Variants in URB2 observed in about 807,000 individuals in gnomAD.
The protein encoded by URB2 is unhealthy ribosome biogenesis protein 2 homolog.
Under a neutral mutation model 120.9 loss-of-function variants are expected in URB2, and 86 were observed. That is an observed-to-expected ratio of 0.71 (90% CI 0.60 to 0.85). The LOEUF is 0.85. Ranked by LOEUF, URB2 falls within the 40% of genes least tolerant of loss-of-function variation. URB2 has a pLI of 0.00. For missense variants in URB2, 1,765 were observed against 1,836.5 expected (o/e 0.96, Z 0.71); for synonymous variants, 755 against 758.4 (o/e 1.00, Z 0.07).
At position 229,636,098 on chromosome 1, in the gene URB2, C is replaced by T. The variant is rs200963931; in HGVS notation, c.1485C>T (p.Ser495=). 1.4e-4 allele frequency: 232 copies of T among 1,614,254 alleles called. No homozygotes were observed. In the Middle Eastern group the frequency reaches 1.8e-3, roughly 13 times the overall value. Residue 495 remains serine, a synonymous_variant, in exon 4 of 10, where the codon TCC becomes TCT. Transcript: ENST00000258243. The part of the protein sequence containing the change: ...LRQPVLASGP[S]TVLSACLLEL... ...AGCCTGTGCTGGCCTCGGGCCCCTC[C>T]ACGGTACTCTCTGCATGCCTCCTGG...
rs745481389 is a variant in URB2 at position 229,636,270 on chromosome 1, A to T, written c.1657A>T (p.Met553Leu). Residue 553 changes from methionine (M) to leucine (L), a missense_variant, in exon 4 of 10, where the codon ATG (methionine) becomes TTG (leucine). Physicochemically the swap from Met to Leu is conservative, Grantham distance 15. Coordinates refer to ENST00000258243, the MANE Select transcript of URB2 (RefSeq NM_014777.4). ...GCTGCTGCACTGCATCATGTTCAAC[A>T]TGAGGAGCCTGGACAGCAGCACGCC... Reference protein sequence around the residue: ...SLLLHCIMFNMRSLDSSTPLP... With the variant: ...SLLLHCIMFNLRSLDSSTPLP... 2 of 1,614,110 alleles carry T rather than the reference A, an allele frequency of 1.2e-6. No individual in the cohort carries two copies. Among genetic ancestry groups the T allele is most frequent in the Admixed American group, 3.3e-5 (2 of 60,028 alleles).
chr1:229,640,345 A>G (rs1665973667), intron 4 of URB2, among the ~76,000 whole-genome samples: 1 of 152,258 alleles, frequency 6.6e-6, no homozygotes, highest in Admixed American at 6.5e-5. Flanking sequence ...TTATTAGGGT[A>G]TACAAATAAA....
chr1:229,648,079 T>C (rs1246326391), intron 7 of URB2, among the ~76,000 whole-genome samples: 1 of 152,198 alleles, frequency 6.6e-6, no homozygotes, highest in Non-Finnish European at 1.5e-5. Context: ...ATGCTACCAG[T>C]GGAAAATCCC....
In URB2 at chr1:229,632,461, G is replaced by T; in HGVS notation, c.303+16G>T. On this transcript the variant is annotated intron_variant, in intron 3 of 9. Coordinates refer to ENST00000258243, the MANE Select transcript of URB2 (RefSeq NM_014777.4). Reference sequence around the variant, plus strand: ...CCTAGTCAAGGTAATTCACTTTTCTGTTCTGTATGTGTTGCATGCATCTCC... The same window carrying T: ...CCTAGTCAAGGTAATTCACTTTTCTTTTCTGTATGTGTTGCATGCATCTCC... The T allele has an allele frequency of 6.5e-7, 1 of 1,534,884 alleles. No individual in the cohort carries two copies. Among genetic ancestry groups the T allele is most frequent in the Non-Finnish European group, 8.7e-7 (1 of 1,150,902 alleles).
chr1:229,632,262 A>G lies in URB2; in HGVS notation c.127-7A>G, dbSNP rs765536647. 1.3e-6 allele frequency: 2 copies of G among 1,540,236 alleles called. No homozygotes were observed. The highest frequency in any genetic ancestry group is 2.4e-5 in the East Asian group (1 of 41,974). On this transcript the variant is annotated splice_region_variant and splice_polypyrimidine_tract_variant and intron_variant, in intron 2 of 9. Coordinates refer to ENST00000258243, the MANE Select transcript of URB2 (RefSeq NM_014777.4). ...TTATTTTCAGTGTATGTGTCCTTCA[A>G]ATTCAGGTGTTACTTGATTGGGCAA...
chr1:229,652,646 A>T (rs1374148262), intron 8 of URB2, among the ~76,000 whole-genome samples: 1 of 152,214 alleles, frequency 6.6e-6, no homozygotes, highest in Non-Finnish European at 1.5e-5. Flanking sequence ...TTCCCCTCCC[A>T]TGCCAGCCTC....
intron 7 of URB2, among the ~76,000 whole-genome samples, chr1:229,649,665 A>G (rs550984264): frequency 2.4e-4 from 37 of 152,276 alleles, no homozygotes; most frequent in South Asian, 6.2e-4. Context: ...GTAGGCCCAC[A>G]CTGATGTAAA....
At chr1:229,647,353 G>A (rs113292366) in intron 6 of URB2, among the ~76,000 whole-genome samples, 157 bp from the exon 7 acceptor site, 1 of 152,206 alleles carries the variant, frequency 6.6e-6, no homozygotes, top group African/African-American at 2.4e-5. Context: ...GAGCTGATCT[G>A]TAAGAAGTTT....
intron 5 of URB2, among the ~76,000 whole-genome samples, 200 bp downstream of exon 5, chr1:229,643,893 C>T (rs1666073799): frequency 6.6e-6 from 1 of 152,252 alleles, no homozygotes; most frequent in Non-Finnish European, 1.5e-5. Context: ...CCTTAGTTTT[C>T]AAACGGGAAG....
At chr1:229,648,997 A>G (rs905169447) in intron 7 of URB2, among the ~76,000 whole-genome samples, 7 of 152,216 alleles carry the variant, frequency 4.6e-5, no homozygotes, top group African/African-American at 1.7e-4. Flanking sequence ...TGAATCCTGT[A>G]GACAGTTGTA....
At chr1:229,630,841 G>A (rs569796858) in intron 2 of URB2, among the ~76,000 whole-genome samples, 1 of 151,992 alleles carries the variant, frequency 6.6e-6, no homozygotes. Context: ...AATTAGCCAG[G>A]CATGGTGGCG....
intron 4 of URB2, among the ~76,000 whole-genome samples, chr1:229,641,623 G>A (rs1350663833): frequency 6.6e-6 from 1 of 152,210 alleles, no homozygotes; most frequent in Non-Finnish European, 1.5e-5. Context: ...CAGCCATGGA[G>A]TTCTCCCTGT....
Position 229,632,414 on chromosome 1 carries a change from A to G in URB2, c.272A>G (p.Lys91Arg). 3 of 1,574,490 alleles carry G rather than the reference A, an allele frequency of 1.9e-6. No individual in the cohort carries two copies. The highest frequency in any genetic ancestry group is 2.6e-6 in the Non-Finnish European group (3 of 1,166,834). The change falls in exon 3 of 10, where the codon AAG becomes AGG. Residue 91 changes from lysine to arginine, a missense_variant. Transcript: ENST00000258243. The part of the protein sequence containing the change: ...RKLQNLLKNG[K>R]TINLQISLVK... ...TTGCAGAATCTCCTCAAGAATGGAA[A>G]GACCATTAATCTTCAGATTTCCCTA...
chr1:229,657,567 A>G (rs571791220), intron 9 of URB2, among the ~76,000 whole-genome samples: 34 of 152,248 alleles, frequency 2.2e-4, no homozygotes, highest in Non-Finnish European at 4.4e-4. Context: ...GTCCACTTAC[A>G]AAGCCCTCAC....
rs1240328743 is a variant in URB2 at position 229,637,012 on chromosome 1, T to C, written c.2399T>C (p.Leu800Pro). Residue 800 changes from leucine (L) to proline (P), a missense_variant, in exon 4 of 10, where the codon CTC becomes CCC. By Grantham distance (98) the Leu-to-Pro change is moderately conservative (BLOSUM62 -3). Coordinates refer to ENST00000258243, the MANE Select transcript of URB2 (RefSeq NM_014777.4). ...KISKAFLHSP[L>P]FPEMQSLHSA... ...TCCAAAGCCTTCCTTCATAGCCCTC[T>C]CTTTCCAGAGATGCAGTCCCTTCAT... The C allele has an allele frequency of 1.2e-6, 2 of 1,614,086 alleles. No individual in the cohort carries two copies. Among genetic ancestry groups the C allele is most frequent in the South Asian group, 1.1e-5 (1 of 91,084 alleles).
intron 7 of URB2, among the ~76,000 whole-genome samples, 156 bp downstream of exon 7, chr1:229,647,908 A>G (rs550420921): frequency 6.6e-6 from 1 of 152,358 alleles, no homozygotes; most frequent in African/African-American, 2.4e-5. Context: ...TTTCAGAGCC[A>G]GGTGGTTTCT....
chr1:229,643,794 G>C, intron 5 of URB2, 101 bp downstream of exon 5: 3 of 1,454,744 alleles, frequency 2.1e-6, no homozygotes, highest in Non-Finnish European at 2.8e-6. Flanking sequence ...AACTAAACAA[G>C]TTCTAACTGG....
chr1:229,638,531 A>G (rs2102788132), intron 4 of URB2, among the ~76,000 whole-genome samples: 1 of 152,180 alleles, frequency 6.6e-6, no homozygotes, highest in South Asian at 2.1e-4. Context: ...CTGTAGTCCC[A>G]GCTACTCGGG....
chr1:229,647,520 G>T lies in URB2; in HGVS notation c.3917G>T (p.Arg1306Leu), dbSNP rs142409402. 177 of 1,613,114 alleles carry T rather than the reference G, an allele frequency of 1.1e-4. No individual in the cohort carries two copies. In the African/African-American group the frequency reaches 2.2e-3, roughly 20 times the overall value. Residue 1306 changes from arginine to leucine, a missense_variant, in exon 7 of 10, where the codon CGA becomes CTA. By Grantham distance (102) the Arg-to-Leu change is moderately radical. Transcript: ENST00000258243. ...TATTTTGCCCTTTAGCTCTTAAACC[G>T]AGAAGCTTCTCAGGAGCAGCCTGTG... ...QIVTALTLLN[R>L]EASQEQPVSL... is the part of the protein sequence containing the mutation.
Sources: allele counts gnomAD v4.1 joint callset (sites outside exome capture counted in the v4.1 genomes callset), GRCh38; gene constraint gnomAD v4.1.1; transcripts MANE v1.5; gene names NCBI Gene and HGNC (gene_info 2026-07-23, HGNC 2026-07-21).